The following GRIP1 variants were observed in gnomAD, a reference collection of about 807,000 sequenced individuals.
GRIP1 encodes glutamate receptor interacting protein 1, also known as glutamate receptor-interacting protein 1.
Under a neutral mutation model 129.9 loss-of-function variants are expected in GRIP1, and 45 were observed. The ratio of observed to expected loss-of-function variants is 0.35; its 90% CI spans 0.27 to 0.44. GRIP1 has a LOEUF of 0.44. Among genes scored for constraint, GRIP1 ranks in the 20% least tolerant of loss-of-function variants. The pLI, the probability that GRIP1 is intolerant of heterozygous loss-of-function variation, is 1.00. For synonymous variants in GRIP1, 530 were observed against 520.8 expected (o/e 1.02, Z -0.24); for missense variants, 1,196 against 1,396.8 (o/e 0.86, Z 2.29).
chr12:66,678,950 C>A lies in GRIP1; in HGVS notation c.-46G>T. On this transcript the variant is annotated 5_prime_UTR_variant, in exon 1 of 25. Coordinates refer to ENST00000359742, the MANE Select transcript of GRIP1 (RefSeq NM_001366722.1). ...GGCAAAGTGTACTCAAGGCTCTCTG[C>A]TCTGGTGGCTGCAGCAGCAGCAGCA... 1 of 1,612,646 alleles carries A rather than the reference C, an allele frequency of 6.2e-7. No individual in the cohort carries two copies.
At chr12:66,751,688 A>C (rs2037131203) in intron 1 of GRIP1, among the ~76,000 whole-genome samples, 3 of 152,202 alleles carry the variant, frequency 2.0e-5, no homozygotes, top group Non-Finnish European at 4.4e-5. Flanking sequence ...TTAAATAAGA[A>C]TATAGATTTA....
At chr12:66,508,781 T>C (rs911779922) in intron 7 of GRIP1, among the ~76,000 whole-genome samples, 8 of 152,256 alleles carry the variant, frequency 5.3e-5, no homozygotes, top group African/African-American at 1.4e-4. Flanking sequence ...CAGTGAGCCT[T>C]GTTTTATTCA....
chr12:66,790,306 C>T (rs1256807767), intron 1 of GRIP1, among the ~76,000 whole-genome samples: 2 of 152,154 alleles, frequency 1.3e-5, no homozygotes, highest in Non-Finnish European at 2.9e-5. Context: ...AGGTCAGAAT[C>T]ATGAATATAA....
chr12:66,707,336 A>G lies in GRIP1; in HGVS notation c.-419-77000T>C, dbSNP rs183126814. On this transcript the variant is annotated intron_variant, in intron 1 of 4. Transcript: ENST00000538373. ...AATTATTTATTATTACTGCTGATTT[A>G]CACACTTATTTTGACAGGTTAAAAC... is the stretch of plus-strand genomic sequence containing the variant. Among the ~76,000 whole-genome samples, 345 of 151,986 alleles carry G rather than the reference A, an allele frequency of 2.3e-3. 1 individual carries two copies. The highest frequency in any genetic ancestry group is 7.9e-3 in the African/African-American group (329 of 41,490).
intron 1 of GRIP1, among the ~76,000 whole-genome samples, chr12:67,000,868 A>G (rs1277637951): frequency 6.6e-6 from 1 of 152,212 alleles, no homozygotes; most frequent in African/African-American, 2.4e-5. Context: ...TGAATGTTAG[A>G]TAAACAATGA....
chr12:66,724,753 G>T (rs2036198516), intron 1 of GRIP1, among the ~76,000 whole-genome samples: 1 of 152,132 alleles, frequency 6.6e-6, no homozygotes. Flanking sequence ...ATCACCATTT[G>T]CTGCTCAGTG....
At chr12:66,593,970 A>G (rs1053030534) in intron 2 of GRIP1, among the ~76,000 whole-genome samples, 1 of 139,850 alleles carries the variant, frequency 7.2e-6, no homozygotes, top group Admixed American at 7.7e-5. Flanking sequence ...GGGGAGGCTG[A>G]GGCAGGAGAA....
At chr12:66,858,943 T>C (rs1289822390) in intron 1 of GRIP1, among the ~76,000 whole-genome samples, 1 of 151,916 alleles carries the variant, frequency 6.6e-6, no homozygotes, top group East Asian at 1.9e-4. Flanking sequence ...GCTCTTCCGT[T>C]AAAGAATGAG....
At chr12:66,748,087 C>T (rs915279382) in intron 1 of GRIP1, among the ~76,000 whole-genome samples, 3 of 151,888 alleles carry the variant, frequency 2.0e-5, no homozygotes, top group Non-Finnish European at 2.9e-5. Flanking sequence ...GGCACAATCT[C>T]GGCTCACTGC....
intron 2 of GRIP1, among the ~76,000 whole-genome samples, chr12:66,575,120 C>G (rs2063100745): frequency 6.6e-6 from 1 of 152,158 alleles, no homozygotes; most frequent in South Asian, 2.1e-4. Flanking sequence ...AGGTCCCTTC[C>G]TATTCCTGGT....
intron 1 of GRIP1, among the ~76,000 whole-genome samples, chr12:66,773,002 C>T (rs960363475): frequency 3.3e-5 from 5 of 152,126 alleles, no homozygotes; most frequent in Non-Finnish European, 7.4e-5. Context: ...ATTTCCAAAA[C>T]AAGCTGGAGT....
intron 1 of GRIP1, among the ~76,000 whole-genome samples, chr12:66,815,018 A>T (rs1438971930): frequency 6.6e-6 from 1 of 152,204 alleles, no homozygotes; most frequent in African/African-American, 2.4e-5. Context: ...GATTATAGGG[A>T]TTACAATTCG....
chr12:66,412,939 G>C (rs2057455067), intron 15 of GRIP1, among the ~76,000 whole-genome samples: 1 of 152,028 alleles, frequency 6.6e-6, no homozygotes, highest in African/African-American at 2.4e-5. Context: ...CCTAATACAG[G>C]AGCACCCAGA....
chr12:66,668,144 T>G (rs2033894198), intron 1 of GRIP1, among the ~76,000 whole-genome samples: 1 of 152,204 alleles, frequency 6.6e-6, no homozygotes, highest in Non-Finnish European at 1.5e-5. Context: ...CTGATATAGA[T>G]TTTAACATTT....
At chr12:66,513,827 C>A (rs1018107640) in intron 7 of GRIP1, among the ~76,000 whole-genome samples, 24 of 152,092 alleles carry the variant, frequency 1.6e-4, no homozygotes, top group African/African-American at 5.8e-4. Flanking sequence ...CAGGTAGGGA[C>A]ACCCCATTCC....
At chr12:66,737,397 C>T (rs551933774) in intron 1 of GRIP1, among the ~76,000 whole-genome samples, 131 of 152,250 alleles carry the variant, frequency 8.6e-4, no homozygotes, top group Non-Finnish European at 1.4e-3. Context: ...AATTCTGCTG[C>T]CTCAACCTCC....
chr12:66,606,903 G>T (rs1379762497), intron 1 of GRIP1, among the ~76,000 whole-genome samples: 1 of 152,064 alleles, frequency 6.6e-6, no homozygotes, highest in Non-Finnish European at 1.5e-5. Context: ...TACCCTGGAA[G>T]CAACAAGCAA....
At chr12:66,817,343 G>A (rs1044506510) in intron 1 of GRIP1, among the ~76,000 whole-genome samples, 2 of 151,830 alleles carry the variant, frequency 1.3e-5, no homozygotes, top group Non-Finnish European at 2.9e-5. Flanking sequence ...ACATCAAAGA[G>A]CTTTTGTTTA....
chr12:66,569,600 G>A (rs1371157420), intron 2 of GRIP1, among the ~76,000 whole-genome samples: 1 of 152,200 alleles, frequency 6.6e-6, no homozygotes, highest in Non-Finnish European at 1.5e-5. Context: ...CCATAGCCTG[G>A]CCCTGGGCAG....
Sources: gnomAD v4.1 joint callset for allele counts (sites outside exome capture counted in the v4.1 genomes callset) on GRCh38, gnomAD v4.1.1 for gene constraint, MANE v1.5 for transcripts, NCBI Gene and HGNC (gene_info 2026-07-23, HGNC 2026-07-21) for gene names.